The following CPEB3 variants were observed in gnomAD, a reference collection of about 807,000 sequenced individuals.
CPEB3 encodes the protein cytoplasmic polyadenylation element-binding protein 3.
A neutral mutation model predicts 67.2 loss-of-function variants in CPEB3; 20 were observed. The observed-to-expected ratio is 0.30, with a 90% CI of 0.21 to 0.43. The LOEUF is 0.43. Among genes scored for constraint, CPEB3 ranks in the 20% least tolerant of loss-of-function variants. The probability of loss-of-function intolerance (pLI) is 1.00; values close to 1 mark genes in which losing one functional copy is unlikely to be tolerated. For synonymous variants in CPEB3, 376 were observed against 393.1 expected (o/e 0.96, Z 0.51); for missense variants, 746 against 968.6 (o/e 0.77, Z 3.05).
At chr10:92,172,076 C>G (rs1848028427) in intron 4 of CPEB3, among the ~76,000 whole-genome samples, 1 of 151,952 alleles carries the variant, frequency 6.6e-6, no homozygotes, top group Non-Finnish European at 1.5e-5. Flanking sequence ...CAGGAGGATC[C>G]TATGAGCCTA....
At chr10:92,168,644 A>G (rs1035667057) in intron 4 of CPEB3, among the ~76,000 whole-genome samples, 6 of 152,014 alleles carry the variant, frequency 3.9e-5, no homozygotes, top group African/African-American at 7.3e-5. Context: ...TGATGGTTTT[A>G]TAAGTAGCTT....
At chr10:92,167,006 G>C (rs551674849) in intron 4 of CPEB3, among the ~76,000 whole-genome samples, 1 of 152,290 alleles carries the variant, frequency 6.6e-6, no homozygotes, top group East Asian at 1.9e-4. Flanking sequence ...TTTATGTTAT[G>C]GAGACGGCTT....
chr10:92,055,397 C>T (rs1842072262), intron 9 of CPEB3, among the ~76,000 whole-genome samples: 1 of 152,156 alleles, frequency 6.6e-6, no homozygotes, highest in African/African-American at 2.4e-5. Context: ...AGTTATTCTT[C>T]CAGAAACCAG....
At chr10:92,187,538 T>G (rs1848750237) in intron 3 of CPEB3, among the ~76,000 whole-genome samples, 2 of 152,322 alleles carry the variant, frequency 1.3e-5, no homozygotes, top group African/African-American at 2.4e-5. Context: ...CCAGTTAGGG[T>G]ATACGATCTT....
intron 2 of CPEB3, among the ~76,000 whole-genome samples, chr10:92,235,624 T>C (rs1851494245): frequency 6.6e-6 from 1 of 152,254 alleles, no homozygotes; most frequent in Admixed American, 6.5e-5. Flanking sequence ...AAAACTAATA[T>C]TATTCCCATT....
At chr10:92,063,825 T>A (rs1842451078) in intron 9 of CPEB3, among the ~76,000 whole-genome samples, 1 of 150,250 alleles carries the variant, frequency 6.7e-6, no homozygotes, top group Non-Finnish European at 1.5e-5. Flanking sequence ...TGCTTATGAG[T>A]GACTAGAAGG....
Position 92,050,124 on chromosome 10 carries a change from T to A in CPEB3, c.*2088A>T, listed in dbSNP as rs1240675880. 6.7e-6 allele frequency: 1 copy of A among 148,956 alleles called. No individual in the cohort carries two copies. The highest frequency in any genetic ancestry group is 1.5e-5 in the Non-Finnish European group (1 of 67,368). 9.2% of individuals were successfully genotyped at this position (148,956 alleles called of 1,614,324 possible). A position where few individuals can be genotyped will look rare whatever the true frequency, so the allele number is the denominator to read the frequency against. Reference sequence around the variant, plus strand: ...CTGTCTAGAATACAAAAAGTAGTAGTGCATAACAAAATTTCTTGTACAGAT... The same window carrying A: ...CTGTCTAGAATACAAAAAGTAGTAGAGCATAACAAAATTTCTTGTACAGAT... On this transcript the variant is annotated 3_prime_UTR_variant, in exon 10 of 10. Coordinates refer to ENST00000265997, the MANE Select transcript of CPEB3 (RefSeq NM_014912.5).
At chr10:92,147,219 G>C (rs1009025513) in intron 4 of CPEB3, among the ~76,000 whole-genome samples, 4 of 152,180 alleles carry the variant, frequency 2.6e-5, no homozygotes, top group African/African-American at 9.7e-5. Context: ...ACTTTGGGAG[G>C]CCGAGGCAGG....
chr10:92,204,888 T>G (rs1471548259), intron 2 of CPEB3, among the ~76,000 whole-genome samples: 1 of 147,372 alleles, frequency 6.8e-6, no homozygotes, highest in Non-Finnish European at 1.5e-5. Context: ...TCACCCAGGC[T>G]GGAGTAAAGT....
chr10:92,287,922 T>C (rs1346426888), intron 1 of CPEB3, among the ~76,000 whole-genome samples: 3 of 152,200 alleles, frequency 2.0e-5, no homozygotes, highest in Non-Finnish European at 4.4e-5. Flanking sequence ...ACTAGTCTAC[T>C]TTCCGTCTCT....
chr10:92,240,165 G>C lies in CPEB3; in HGVS notation c.186C>G (p.Pro62=). ...TCTTGTCCGGGCCGTTGGGGGCCGG[G>C]GGGGCAGCGGCTGGGCTGAGGGCCG... The part of the protein sequence containing the change: ...AVPALSPAAA[P]PAPNGPDKMQ... The change falls in exon 2 of 10, where the codon CCC becomes CCG. Residue 62 remains proline (P), a synonymous_variant. Coordinates refer to ENST00000265997, the MANE Select transcript of CPEB3 (RefSeq NM_014912.5). 1.3e-6 allele frequency: 2 copies of C among 1,547,364 alleles called. No individual in the cohort carries two copies. Among genetic ancestry groups the C allele is most frequent in the Non-Finnish European group, 1.7e-6 (2 of 1,144,810 alleles).
At chr10:92,212,816 T>A (rs919930652) in intron 2 of CPEB3, among the ~76,000 whole-genome samples, 2 of 151,900 alleles carry the variant, frequency 1.3e-5, no homozygotes, top group South Asian at 4.2e-4. Flanking sequence ...ACACCTATAA[T>A]CCCAGCACTT....
At chr10:92,184,697 A>G (rs1330584498) in intron 3 of CPEB3, among the ~76,000 whole-genome samples, 1 of 152,196 alleles carries the variant, frequency 6.6e-6, no homozygotes, top group Non-Finnish European at 1.5e-5. Context: ...CCCCCAACTA[A>G]TAATGTAATT....
At chr10:92,117,746 T>C (rs1183262290) in intron 6 of CPEB3, among the ~76,000 whole-genome samples, 1 of 57,216 alleles carries the variant, frequency 1.7e-5, no homozygotes, top group African/African-American at 1.2e-4. Flanking sequence ...TTTTTCATGT[T>C]TTTTTTTTAA....
chr10:92,239,224 G>T lies in CPEB3; in HGVS notation c.1005+122C>A. On this transcript the variant is annotated intron_variant, in intron 2 of 9. Transcript: ENST00000265997. This position sits in a 1 kb window ranked among gnomAD's most constrained non-coding sequence, Gnocchi z 6.0. ...CTAAAGAACTGGAGGCTTCGGAAGGGGAAAGAGGAGCTGGACATTGCTGCC... is the reference window on the plus strand; with the variant it reads ...CTAAAGAACTGGAGGCTTCGGAAGGTGAAAGAGGAGCTGGACATTGCTGCC... The T allele has an allele frequency of 9.0e-7, 1 of 1,105,718 alleles. No individual in the cohort carries two copies. Among genetic ancestry groups the T allele is most frequent in the Non-Finnish European group, 1.3e-6 (1 of 774,254 alleles). The allele number at this position is 1,105,718 out of a possible 1,614,324, so 68.5% of individuals were successfully genotyped here.
chr10:92,290,301 G>A (rs1458872259), intron 1 of CPEB3, among the ~76,000 whole-genome samples: 2 of 151,902 alleles, frequency 1.3e-5, no homozygotes, highest in Non-Finnish European at 2.9e-5. Context: ...AACGTCAGAA[G>A]CTGACCCAAG....
chr10:92,133,187 T>C (rs1054356952), intron 6 of CPEB3, among the ~76,000 whole-genome samples: 1 of 151,796 alleles, frequency 6.6e-6, no homozygotes, highest in Non-Finnish European at 1.5e-5. Flanking sequence ...CTAAAGGAGA[T>C]AGAGACACAA....
chr10:92,113,815 TCA>T (rs10606141), intron 6 of CPEB3, among the ~76,000 whole-genome samples: 59,775 of 151,742 alleles, frequency 0.39, 12,605 homozygotes, highest in African/African-American at 0.55. Context: ...TAGGCCCATC[TCA>T]CAGCCATAAA....
chr10:92,193,631 T>G (rs1160182595), intron 2 of CPEB3, among the ~76,000 whole-genome samples: 1 of 151,592 alleles, frequency 6.6e-6, no homozygotes, highest in Admixed American at 6.6e-5. Flanking sequence ...AAAAAAATTT[T>G]TTTTTAAGAG....
Sources: gnomAD v4.1 joint callset for allele counts (sites outside exome capture counted in the v4.1 genomes callset) on GRCh38, gnomAD v4.1.1 for gene constraint, Gnocchi (gnomAD v3.1) non-coding constraint, MANE v1.5 for transcripts, NCBI Gene and HGNC (gene_info 2026-07-23, HGNC 2026-07-21) for gene names.